Variants in SOX5 observed in about 807,000 individuals in gnomAD.
SOX5 encodes the protein transcription factor SOX-5.
In SOX5, 9 loss-of-function variants were observed where a neutral mutation model predicts 92.0. The observed-to-expected ratio is 0.10, with a 90% CI of 0.06 to 0.17. SOX5 has a LOEUF of 0.17. SOX5 is among the 10% of genes least tolerant of loss of function. SOX5 has a pLI of 1.00. For missense variants in SOX5, 642 were observed against 944.5 expected (o/e 0.68, Z 4.20); for synonymous variants, 344 against 336.3 (o/e 1.02, Z -0.25).
intron 2 of SOX5, among the ~76,000 whole-genome samples, chr12:23,894,270 C>T (rs2097156335): frequency 1.3e-5 from 2 of 152,110 alleles, no homozygotes; most frequent in African/African-American, 4.8e-5. Context: ...ACTCTATCAC[C>T]AGGCTCGAGT....
chr12:24,545,979 G>A (rs564591506), intron 1 of SOX5, among the ~76,000 whole-genome samples: 63 of 152,176 alleles, frequency 4.1e-4, no homozygotes, highest in Non-Finnish European at 7.4e-4. Context: ...TCACCCTCTC[G>A]CAGGTGGTGT....
At chr12:23,677,015 T>C (rs940353801) in intron 6 of SOX5, among the ~76,000 whole-genome samples, 1 of 152,224 alleles carries the variant, frequency 6.6e-6, no homozygotes, top group South Asian at 2.1e-4. Context: ...ATATTCACTA[T>C]TATAAAAGTC....
chr12:23,742,984 A>T (rs1251568881), intron 4 of SOX5, among the ~76,000 whole-genome samples: 3 of 152,198 alleles, frequency 2.0e-5, no homozygotes, highest in African/African-American at 7.2e-5. Context: ...AAAATATCAT[A>T]AGAAATGTGG....
chr12:23,740,834 A>C (rs200692780), intron 5 of SOX5, 33 bp downstream of exon 5: 16 of 1,568,770 alleles, frequency 1.0e-5, no homozygotes, highest in Non-Finnish European at 1.7e-6. Flanking sequence ...GTAATGTCTG[A>C]GGAATATGAC....
intron 2 of SOX5, among the ~76,000 whole-genome samples, chr12:23,855,213 G>T (rs963145548): frequency 1.3e-5 from 2 of 151,846 alleles, no homozygotes; most frequent in African/African-American, 2.4e-5. Context: ...TCCAGGGAAA[G>T]ATTTTTTTAA....
chr12:23,742,427 C>G (rs1310908825), intron 4 of SOX5, among the ~76,000 whole-genome samples: 1 of 152,024 alleles, frequency 6.6e-6, no homozygotes, highest in East Asian at 1.9e-4. Context: ...TTTATTATAT[C>G]TCAGATATTT....
chr12:24,081,157 G>A (rs1004149459), intron 4 of SOX5, among the ~76,000 whole-genome samples: 10 of 151,866 alleles, frequency 6.6e-5, no homozygotes, highest in Non-Finnish European at 1.5e-4. Flanking sequence ...TGAACTCATT[G>A]GCTTCCCCAT....
chr12:23,601,120 C>T (rs1488880787), intron 9 of SOX5, among the ~76,000 whole-genome samples: 1 of 152,084 alleles, frequency 6.6e-6, no homozygotes, highest in Non-Finnish European at 1.5e-5. Flanking sequence ...TTCTCTCTCG[C>T]GCACACACTC....
chr12:23,693,102 T>A (rs574274108), intron 6 of SOX5, among the ~76,000 whole-genome samples: 1 of 15,888 alleles, frequency 6.3e-5, no homozygotes, highest in Non-Finnish European at 2.1e-4. Context: ...AGCATACAGT[T>A]GTATTTTTAA....
chr12:23,538,843 C>A (rs1175579136), intron 13 of SOX5, among the ~76,000 whole-genome samples: 1 of 142,660 alleles, frequency 7.0e-6, no homozygotes, highest in Non-Finnish European at 1.5e-5. Flanking sequence ...CTCTTTCGCC[C>A]AGGCTGGAAT....
At chr12:23,843,623 G>A (rs2096543443) in intron 3 of SOX5, among the ~76,000 whole-genome samples, 1 of 133,208 alleles carries the variant, frequency 7.5e-6, no homozygotes. Context: ...GTGTGCAGTG[G>A]CCCAATCTTG....
intron 1 of SOX5, among the ~76,000 whole-genome samples, chr12:23,918,184 C>G (rs2097437792): frequency 6.6e-6 from 1 of 152,036 alleles, no homozygotes. Context: ...TGTTTTATGC[C>G]TACTAACAAT....
intron 3 of SOX5, among the ~76,000 whole-genome samples, chr12:23,790,546 T>TCACACA (rs1235681024): frequency 0.018 from 1,352 of 75,886 alleles, 16 homozygotes; most frequent in South Asian, 0.08. Flanking sequence ...TCTCTCAATC[T>TCACACA]CTCACACACA....
At chr12:24,522,300 C>T (rs1950331408) in intron 1 of SOX5, among the ~76,000 whole-genome samples, 1 of 151,470 alleles carries the variant, frequency 6.6e-6, no homozygotes, top group Admixed American at 6.6e-5. Context: ...AAAGAAAAGC[C>T]TAGGATCTGA....
chr12:24,071,588 C>G (rs1215338485), intron 4 of SOX5, among the ~76,000 whole-genome samples: 2 of 152,082 alleles, frequency 1.3e-5, no homozygotes, highest in Non-Finnish European at 2.9e-5. Flanking sequence ...CACCCGCCAC[C>G]ACGCCCGGCT....
In SOX5 at chr12:24,270,945, T is replaced by C. The variant is rs190753879; in HGVS notation, c.-77+6271A>G. 9.7e-4 allele frequency among the ~76,000 whole-genome samples: 148 copies of C among 152,362 alleles called. 1 individual carries two copies. The highest frequency in any genetic ancestry group is 3.3e-3 in the African/African-American group (138 of 41,592). On this transcript the variant is annotated intron_variant, in intron 3 of 4. Coordinates refer to the SOX5 transcript ENST00000446891. ...TACAGCTGAGTTATTTCCGGATTTTTTGGCAAATACAAATATTTCTCATGT... is the reference window on the plus strand; with the variant it reads ...TACAGCTGAGTTATTTCCGGATTTTCTGGCAAATACAAATATTTCTCATGT...
At chr12:24,124,608 A>T (rs1024233287) in intron 4 of SOX5, among the ~76,000 whole-genome samples, 1 of 151,938 alleles carries the variant, frequency 6.6e-6, no homozygotes, top group Non-Finnish European at 1.5e-5. Context: ...TTTTGGGTGG[A>T]TCCCCAGGAC....
chr12:23,615,081 C>T (rs555114280), intron 8 of SOX5, among the ~76,000 whole-genome samples: 31 of 152,240 alleles, frequency 2.0e-4, no homozygotes, highest in African/African-American at 4.3e-4. Flanking sequence ...GGATTACAGG[C>T]GTGAGCCACC....
chr12:23,580,120 G>T (rs1949835399), intron 9 of SOX5, among the ~76,000 whole-genome samples: 1 of 151,958 alleles, frequency 6.6e-6, no homozygotes, highest in African/African-American at 2.4e-5. Context: ...CATTTATAGG[G>T]TTCATTATAA....
Sources: gnomAD v4.1 joint callset for allele counts (sites outside exome capture counted in the v4.1 genomes callset) on GRCh38, gnomAD v4.1.1 for gene constraint, MANE v1.5 for transcripts, NCBI Gene and HGNC (gene_info 2026-07-23, HGNC 2026-07-21) for gene names.